BLOC1S6: variants seen among roughly 807,000 people sequenced by gnomAD.
BLOC1S6 encodes biogenesis of lysosomal organelles complex 1 subunit 6.
A neutral mutation model predicts 24.7 loss-of-function variants in BLOC1S6; 24 were observed. The ratio of observed to expected loss-of-function variants is 0.97; its 90% confidence interval spans 0.70 to 1.37. BLOC1S6 has a LOEUF of 1.37. BLOC1S6 is among the 40% of genes most tolerant of loss of function. The pLI is 0.00. For missense variants in BLOC1S6, 175 were observed against 196.2 expected (o/e 0.89, Z 0.64); for synonymous variants, 76 against 72.6 (o/e 1.05, Z -0.23).
intron 2 of BLOC1S6, among the ~76,000 whole-genome samples, chr15:45,596,294 C>T (rs1317517256): frequency 6.6e-6 from 1 of 151,914 alleles, no homozygotes; most frequent in African/African-American, 2.4e-5. Context: ...ATTTCCTGGG[C>T]TCAAGTGATC....
intron 3 of BLOC1S6, among the ~76,000 whole-genome samples, chr15:45,603,707 C>G (rs1302178390): frequency 6.6e-6 from 1 of 151,936 alleles, no homozygotes; most frequent in Non-Finnish European, 1.5e-5. Flanking sequence ...AAAGGGAGAC[C>G]CTGTCTCAAA....
chr15:45,601,065 C>T (rs928604909), intron 2 of BLOC1S6, among the ~76,000 whole-genome samples: 2 of 152,114 alleles, frequency 1.3e-5, no homozygotes, highest in African/African-American at 4.8e-5. Flanking sequence ...TTTTCCTATA[C>T]TTACATACCT....
intron 3 of BLOC1S6, 40 bp from the exon 4 acceptor site, chr15:45,605,388 C>G: frequency 6.8e-7 from 1 of 1,468,744 alleles, no homozygotes; most frequent in Non-Finnish European, 9.5e-7. Context: ...ATATTTTAGT[C>G]TATTTTAACT....
intron 2 of BLOC1S6, chr15:45,597,736 A>T (rs954644051): frequency 1.1e-5 from 2 of 187,790 alleles, no homozygotes; most frequent in Non-Finnish European, 2.3e-5. Flanking sequence ...AAATCTTACT[A>T]TACTTGCCTA....
chr15:45,587,362 C>A, upstream of BLOC1S6: 1 of 1,356,958 alleles, frequency 7.4e-7, no homozygotes, highest in Non-Finnish European at 1.0e-6. Flanking sequence ...TCTGTCCGGC[C>A]AGCCGCTGGA....
Position 45,592,274 on chromosome 15 carries a change from C to T in BLOC1S6, c.222C>T (p.Leu74=). Residue 74 remains leucine, a splice_region_variant and synonymous_variant, in exon 2 of 5, where the codon CTC becomes CTT. Coordinates refer to ENST00000220531, the MANE Select transcript of BLOC1S6 (RefSeq NM_012388.4). The stretch of plus-strand genomic sequence containing the variant: ...GATCAAAACAAGCCCTCCAGGAACT[C>T]ACGTAAGCTAATAAAAAACCAGATA... ...LQRSKQALQE[L]TQNQVVLLDT... 6.2e-7 allele frequency: 1 copy of T among 1,613,780 alleles called. No homozygotes were observed. Among genetic ancestry groups the T allele is most frequent in the South Asian group, 1.1e-5 (1 of 91,074 alleles).
At position 45,605,534 on chromosome 15, in the gene BLOC1S6, A is replaced by G; in HGVS notation, c.399+20A>G. 6.5e-7 allele frequency: 1 copy of G among 1,532,620 alleles called. No homozygotes were observed. Among genetic ancestry groups the G allele is most frequent in the Non-Finnish European group, 9.0e-7 (1 of 1,108,420 alleles). The allele number at this position is 1,532,620 out of a possible 1,614,324, so 94.9% of individuals were successfully genotyped here. On this transcript the variant is annotated intron_variant, in intron 4 of 4. Coordinates refer to ENST00000220531, the MANE Select transcript of BLOC1S6 (RefSeq NM_012388.4). Reference sequence around the variant, plus strand: ...TTAAAAGTGAGTTGAAAATTCTTTCACATTCTTTACAAAAGTAGAGGTTTA... The same window carrying G: ...TTAAAAGTGAGTTGAAAATTCTTTCGCATTCTTTACAAAAGTAGAGGTTTA...
chr15:45,592,398 A>G (rs746797749), intron 2 of BLOC1S6, 122 bp downstream of exon 2: 22 of 1,216,530 alleles, frequency 1.8e-5, no homozygotes, highest in African/African-American at 4.5e-5. Flanking sequence ...GAGTATGTCT[A>G]TATCTTTATT....
At chr15:45,594,731 G>A (rs8042662) in intron 2 of BLOC1S6, among the ~76,000 whole-genome samples, 14,468 of 151,868 alleles carry the variant, frequency 0.095, 2,369 homozygotes, top group African/African-American at 0.33. Flanking sequence ...TTACAAGCGC[G>A]CACCACTCCG....
At chr15:45,601,524 C>A (rs1023713808) in intron 2 of BLOC1S6, 5 of 152,230 alleles carry the variant, frequency 3.3e-5, no homozygotes, top group Non-Finnish European at 5.9e-5. Context: ...ATTCCATCCA[C>A]ATTATCAAAT....
intron 2 of BLOC1S6, among the ~76,000 whole-genome samples, chr15:45,594,461 A>G (rs115019333): frequency 0.014 from 2,192 of 152,284 alleles, 55 homozygotes; most frequent in African/African-American, 0.051. Context: ...TTTCTCTCAG[A>G]TAATCATTCC....
chr15:45,605,662 T>G (rs1283287989), intron 4 of BLOC1S6, 148 bp downstream of exon 4: 1 of 618,454 alleles, frequency 1.6e-6, no homozygotes, highest in Admixed American at 2.9e-5. Flanking sequence ...CAATCTCGGC[T>G]CACTGCAACC....
intron 2 of BLOC1S6, among the ~76,000 whole-genome samples, chr15:45,596,531 G>A (rs1894083929): frequency 6.6e-6 from 1 of 152,028 alleles, no homozygotes; most frequent in South Asian, 2.1e-4. Context: ...TTTCTCCACT[G>A]CATTACCTTT....
chr15:45,609,680 T>C lies in BLOC1S6; in HGVS notation c.*3166T>C, dbSNP rs956368658. ...AGCTTGTAAGATGAGAACTGCTTTTTACACATTTAATAAAAAAAGGTCTCT... is the reference window on the plus strand; with the variant it reads ...AGCTTGTAAGATGAGAACTGCTTTTCACACATTTAATAAAAAAAGGTCTCT... On this transcript the variant is annotated 3_prime_UTR_variant, in exon 5 of 5. Transcript: ENST00000220531. 2.6e-5 allele frequency: 4 copies of C among 152,224 alleles called. No individual in the cohort carries two copies. Among genetic ancestry groups the C allele is most frequent in the African/African-American group, 9.6e-5 (4 of 41,456 alleles). The allele number at this position is 152,224 out of a possible 1,614,324, so 9.4% of individuals were successfully genotyped here.
rs201154291 is a variant in BLOC1S6, at chr15:45,600,331, T to TA, written c.225-2758dup. The stretch of plus-strand genomic sequence containing the variant: ...ATGTACCCTAAAACTTAAAGTATAA[T>TA]AAAAAAAAAAAGTATGATGTTGAAT... On this transcript the variant is annotated intron_variant, in intron 2 of 4. Coordinates refer to ENST00000220531, the MANE Select transcript of BLOC1S6 (RefSeq NM_012388.4). Among the ~76,000 whole-genome samples the TA allele has an allele frequency of 1.2e-3, 169 of 144,842 alleles. No homozygotes were observed. The Middle Eastern group carries it at 0.017, about 15-fold the overall frequency.
At chr15:45,592,027 C>T (rs1370623406) in intron 1 of BLOC1S6, 108 bp from the exon 2 acceptor site, 8 of 1,277,020 alleles carry the variant, frequency 6.3e-6, no homozygotes, top group Non-Finnish European at 8.8e-6. Flanking sequence ...TTGATCACAA[C>T]CAGTTACAGA....
chr15:45,587,458 G>T lies in BLOC1S6; in HGVS notation c.15G>T (p.Gly5=). The T allele has an allele frequency of 6.3e-7, 1 of 1,579,590 alleles. No individual in the cohort carries two copies. Among genetic ancestry groups the T allele is most frequent in the Admixed American group, 1.8e-5 (1 of 55,544 alleles). The change falls in exon 1 of 5, where the codon GGG becomes GGT. Residue 5 remains glycine (G), a synonymous_variant. Transcript: ENST00000220531. The part of the protein sequence containing the change: MSVP[G]PSSPDGALTR... ...GCTGGAGGGACATGAGTGTCCCTGG[G>T]CCGTCGTCTCCGGACGGGGCCCTGA... is the stretch of plus-strand genomic sequence containing the variant.
chr15:45,587,647 C>T, intron 1 of BLOC1S6, 122 bp downstream of exon 1: 1 of 1,026,098 alleles, frequency 9.7e-7, no homozygotes, highest in Non-Finnish European at 1.5e-6. Flanking sequence ...GGCCCCCGGG[C>T]CCTGCCCCGA....
At chr15:45,590,652 C>T (rs1893852039) in intron 1 of BLOC1S6, among the ~76,000 whole-genome samples, 1 of 152,130 alleles carries the variant, frequency 6.6e-6, no homozygotes, top group South Asian at 2.1e-4. Flanking sequence ...AAGTGATCCG[C>T]CCACCTCAGC....
Sources: allele counts gnomAD v4.1 joint callset (sites outside exome capture counted in the v4.1 genomes callset), GRCh38; gene constraint gnomAD v4.1.1; transcripts MANE v1.5; gene names NCBI Gene and HGNC (gene_info 2026-07-23, HGNC 2026-07-21).